Variants in IRAK1BP1 observed in about 807,000 individuals in gnomAD.
The protein encoded by IRAK1BP1 is interleukin 1 receptor associated kinase 1 binding protein 1, also known as interleukin-1 receptor-associated kinase 1-binding protein 1.
IRAK1BP1 carries 24 observed loss-of-function variants against 28.0 expected under a neutral mutation model. The observed-to-expected ratio is 0.86, with a 90% confidence interval of 0.62 to 1.20. IRAK1BP1 has a LOEUF of 1.20. Among genes scored for constraint, IRAK1BP1 ranks in the 50% most tolerant of loss-of-function variants. The pLI is 0.00. For missense variants in IRAK1BP1, 336 were observed against 316.7 expected, an observed-to-expected ratio of 1.06 and a Z score of -0.46; for synonymous variants, 131 against 116.3, an observed-to-expected ratio of 1.13 and a Z score of -0.81.
the IRAK1BP1 span, chr6:78,955,193 T>A: frequency 3.6e-6 from 5 of 1,384,880 alleles, no homozygotes; most frequent in African/African-American, 7.3e-5. Flanking sequence ...ACATTTTAAT[T>A]CATATAAAGT....
At chr6:78,870,246 CA>C (rs576297060) in intron 1 of IRAK1BP1, among the ~76,000 whole-genome samples, 11,348 of 137,506 alleles carry the variant, frequency 0.083, 529 homozygotes, top group African/African-American at 0.14. Flanking sequence ...GACACTGTCT[CA>C]AAAAAAAAAA....
intron 4 of IRAK1BP1, among the ~76,000 whole-genome samples, chr6:78,941,869 T>C (rs1773519509): frequency 6.6e-6 from 1 of 152,256 alleles, no homozygotes; most frequent in South Asian, 2.1e-4. Context: ...AACTCCATGA[T>C]AAAAGGCCAT....
chr6:78,966,595 C>A, the IRAK1BP1 span, among the ~76,000 whole-genome samples: 1 of 152,112 alleles, frequency 6.6e-6, no homozygotes, highest in Non-Finnish European at 1.5e-5. Context: ...AAAAAAGAAA[C>A]AAAAATAAAA....
chr6:78,936,276 T>A (rs1562105861), intron 4 of IRAK1BP1: 1 of 151,930 alleles, frequency 6.6e-6, no homozygotes, highest in Non-Finnish European at 1.5e-5. Context: ...ACCCTCTAGG[T>A]CAGTTACTTT....
rs1772098050 is a variant in IRAK1BP1, at chr6:78,901,546, T to C, written c.*3212T>C. ...AACTCTGTTTAAAAAAAAAAAAATCTTTCCAGAAAGTAGGAAGTTATAATT... is the reference window on the plus strand; with the variant it reads ...AACTCTGTTTAAAAAAAAAAAAATCCTTCCAGAAAGTAGGAAGTTATAATT... On this transcript the variant is annotated 3_prime_UTR_variant, in exon 4 of 4. Transcript: ENST00000369940. The C allele has an allele frequency of 6.6e-6, 1 of 151,912 alleles. No homozygotes were observed. The allele number at this position is 151,912 out of a possible 1,614,324, so 9.4% of individuals were successfully genotyped here. A position where few individuals can be genotyped will look rare whatever the true frequency, so the allele number is the denominator to read the frequency against.
chr6:78,963,451 A>ATTCTCTAAATAATTAC, the IRAK1BP1 span, among the ~76,000 whole-genome samples: 1 of 152,216 alleles, frequency 6.6e-6, no homozygotes. Context: ...ACTATAAGTA[A>ATTCTCTAAATAATTAC]TTCTCTAAAT....
At chr6:78,972,323 T>A in the IRAK1BP1 span, among the ~76,000 whole-genome samples, 1 of 152,164 alleles carries the variant, frequency 6.6e-6, no homozygotes, top group Non-Finnish European at 1.5e-5. Context: ...GGGTCCTGTC[T>A]GTTAGAAGGA....
downstream of IRAK1BP1, among the ~76,000 whole-genome samples, chr6:78,949,411 T>A (rs577789466): frequency 6.6e-6 from 1 of 152,208 alleles, no homozygotes; most frequent in African/African-American, 2.4e-5. Context: ...TTTCTCACTC[T>A]CACACACTAA....
intron 1 of IRAK1BP1, among the ~76,000 whole-genome samples, chr6:78,873,374 T>G (rs2127665701): frequency 6.6e-6 from 1 of 152,214 alleles, no homozygotes; most frequent in South Asian, 2.1e-4. Flanking sequence ...TTCAAAATCT[T>G]AAAGTTTTGT....
At chr6:78,883,084 C>T (rs1771287721) in intron 1 of IRAK1BP1, among the ~76,000 whole-genome samples, 1 of 152,038 alleles carries the variant, frequency 6.6e-6, no homozygotes, top group African/African-American at 2.4e-5. Flanking sequence ...TAGCAAGATC[C>T]TATCTCTACA....
chr6:78,887,817 T>C (rs9352672), intron 2 of IRAK1BP1, among the ~76,000 whole-genome samples: 49,818 of 151,888 alleles, frequency 0.33, 8,340 homozygotes, highest in Non-Finnish European at 0.35. Context: ...AAATTAAAAA[T>C]AGAACTACGA....
At chr6:78,867,927 A>G (rs9350789) in intron 1 of IRAK1BP1, 36 bp downstream of exon 1, 1 of 1,512,042 alleles carries the variant, frequency 6.6e-7, no homozygotes, top group East Asian at 2.4e-5. Context: ...AAGAGCCGGA[A>G]GACACAAAAG....
In IRAK1BP1 at chr6:78,897,936, T is replaced by C; in HGVS notation, c.489T>C (p.Thr163=). ...TCAGCCCACCCCAGTTCTATCATACTCCAGGTTCTGTTGAGAATCTTCGGT... is the reference window on the plus strand; with the variant it reads ...TCAGCCCACCCCAGTTCTATCATACCCCAGGTTCTGTTGAGAATCTTCGGT... ...VVISPPQFYH[T]PGSVENLRRQ... is the part of the protein sequence containing the mutation. The change falls in exon 3 of 4, where the codon ACT becomes ACC. Residue 163 remains threonine, a synonymous_variant. Transcript: ENST00000369940. 6.2e-7 allele frequency: 1 copy of C among 1,614,056 alleles called. No individual in the cohort carries two copies. Among genetic ancestry groups the C allele is most frequent in the Non-Finnish European group, 8.5e-7 (1 of 1,179,976 alleles).
At chr6:78,931,039 A>G (rs1267873146) in intron 4 of IRAK1BP1, among the ~76,000 whole-genome samples, 1 of 152,220 alleles carries the variant, frequency 6.6e-6, no homozygotes, top group East Asian at 1.9e-4. Context: ...TGATTAATTT[A>G]TCTCTGAAAG....
the IRAK1BP1 span, chr6:78,954,723 T>C: frequency 0.5 from 385,148 of 769,906 alleles, 98,317 homozygotes; most frequent in East Asian, 0.67. Flanking sequence ...AAATAAACTA[T>C]AATCATAAAA....
chr6:78,918,639 A>G (rs187595498), intron 4 of IRAK1BP1, among the ~76,000 whole-genome samples: 35 of 151,804 alleles, frequency 2.3e-4, no homozygotes, highest in Admixed American at 1.2e-3. Context: ...AGGGAGATCA[A>G]TTCAACAAGA....
chr6:78,877,015 A>T (rs1170525100), intron 1 of IRAK1BP1, among the ~76,000 whole-genome samples: 1 of 152,236 alleles, frequency 6.6e-6, no homozygotes, highest in Non-Finnish European at 1.5e-5. Context: ...AAAGGACCTT[A>T]GGAGTGTTTC....
intron 4 of IRAK1BP1, among the ~76,000 whole-genome samples, chr6:78,933,282 C>T (rs1293191694): frequency 1.3e-5 from 2 of 152,218 alleles, no homozygotes; most frequent in African/African-American, 4.8e-5. Flanking sequence ...TCTTCATCAG[C>T]ACCCCCTTGC....
chr6:78,882,148 A>G (rs1439801453), intron 1 of IRAK1BP1, among the ~76,000 whole-genome samples: 1 of 152,088 alleles, frequency 6.6e-6, no homozygotes, highest in Non-Finnish European at 1.5e-5. Flanking sequence ...AAAAGGTACT[A>G]TGCTTCTTGG....
Sources: allele counts gnomAD v4.1 joint callset (sites outside exome capture counted in the v4.1 genomes callset), GRCh38; gene constraint gnomAD v4.1.1; transcripts MANE v1.5; gene names NCBI Gene and HGNC (gene_info 2026-07-23, HGNC 2026-07-21).